Variants in PPFIBP2 observed in about 807,000 individuals in gnomAD.
PPFIBP2 encodes liprin-beta-2.
PPFIBP2 carries 118 observed loss-of-function variants against 118.3 expected under a neutral mutation model. The observed-to-expected ratio is 1.00, with a 90% CI of 0.86 to 1.16. The LOEUF (loss-of-function observed/expected upper bound fraction) is 1.16, where lower values mean the gene tolerates loss of function less well. Among genes scored for constraint, PPFIBP2 ranks in the 50% most tolerant of loss-of-function variants. PPFIBP2 has a pLI of 0.00. For missense variants in PPFIBP2, 1,195 were observed against 1,073.1 expected (o/e 1.11, Z -1.59); for synonymous variants, 414 against 397.4 (o/e 1.04, Z -0.50).
chr11:7,604,265 T>C (rs902155568), intron 5 of PPFIBP2, among the ~76,000 whole-genome samples: 7 of 152,152 alleles, frequency 4.6e-5, no homozygotes, highest in Non-Finnish European at 7.3e-5. Context: ...GTACCTTACA[T>C]TGAGTGGATA....
intron 1 of PPFIBP2, among the ~76,000 whole-genome samples, chr11:7,515,970 A>G (rs891544198): frequency 2.0e-5 from 3 of 152,242 alleles, no homozygotes; most frequent in African/African-American, 7.2e-5. Flanking sequence ...GGGACTTGAC[A>G]TTCTGTGTTT....
intron 4 of PPFIBP2, among the ~76,000 whole-genome samples, chr11:7,593,487 C>A (rs772013979): frequency 6.6e-6 from 1 of 152,182 alleles, no homozygotes; most frequent in Non-Finnish European, 1.5e-5. Context: ...CACTGGCAGC[C>A]CCATGACCAG....
chr11:7,654,077 C>T (rs183830308), downstream of PPFIBP2, among the ~76,000 whole-genome samples: 5 of 152,296 alleles, frequency 3.3e-5, no homozygotes, highest in South Asian at 2.1e-4. Context: ...TGGCATGAGC[C>T]CCCCCAGTGA....
downstream of PPFIBP2, chr11:7,656,652 GT>G (rs1197694391): frequency 3.5e-6 from 4 of 1,143,838 alleles, no homozygotes; most frequent in African/African-American, 6.4e-5. Context: ...GTGCCCTCTA[GT>G]TCCGGTGCAG....
At chr11:7,544,895 G>A (rs1483613031) in intron 1 of PPFIBP2, among the ~76,000 whole-genome samples, 5 of 151,864 alleles carry the variant, frequency 3.3e-5, no homozygotes, top group Non-Finnish European at 1.5e-5. Flanking sequence ...TCTCCCTGGT[G>A]TGTTGCTTCT....
chr11:7,538,725 A>C (rs1851468007), intron 1 of PPFIBP2, among the ~76,000 whole-genome samples: 1 of 140,134 alleles, frequency 7.1e-6, no homozygotes, highest in South Asian at 2.2e-4. Context: ...GTGGCTGGGA[A>C]TACCCGGTGC....
chr11:7,524,756 G>A (rs746205787), intron 1 of PPFIBP2, among the ~76,000 whole-genome samples: 2 of 152,012 alleles, frequency 1.3e-5, no homozygotes, highest in African/African-American at 4.8e-5. Flanking sequence ...GGGAAGGGGT[G>A]GGGTGGGAGA....
At chr11:7,522,777 T>C (rs1309905789) in intron 1 of PPFIBP2, among the ~76,000 whole-genome samples, 1 of 152,208 alleles carries the variant, frequency 6.6e-6, no homozygotes, top group Non-Finnish European at 1.5e-5. Context: ...CCTAGCTGTA[T>C]GTGGGGCTGA....
chr11:7,634,399 C>T (rs1000747462), intron 12 of PPFIBP2, 96 bp from the exon 13 acceptor site: 9 of 1,002,724 alleles, frequency 9.0e-6, no homozygotes, highest in Non-Finnish European at 1.3e-5. Flanking sequence ...GAACCTAAGC[C>T]CAAGACCATC....
At chr11:7,666,067 A>G in the PPFIBP2 span, 1 of 695,766 alleles carries the variant, frequency 1.4e-6, no homozygotes, top group Non-Finnish European at 2.5e-6. Flanking sequence ...TGTCCAGGTG[A>G]GGTGGGCGGT....
At chr11:7,541,642 A>G (rs1013527472) in intron 1 of PPFIBP2, among the ~76,000 whole-genome samples, 4 of 152,020 alleles carry the variant, frequency 2.6e-5, no homozygotes, top group African/African-American at 9.7e-5. Context: ...ACTTCATGCA[A>G]TTGCTTAAAT....
intron 3 of PPFIBP2, among the ~76,000 whole-genome samples, chr11:7,566,268 T>A (rs1854973379): frequency 1.3e-5 from 2 of 152,250 alleles, no homozygotes; most frequent in African/African-American, 4.8e-5. Context: ...AAAATTAGTT[T>A]ATTCGTATTC....
intron 1 of PPFIBP2, among the ~76,000 whole-genome samples, chr11:7,540,940 A>G (rs745922573): frequency 6.6e-6 from 1 of 152,224 alleles, no homozygotes; most frequent in Non-Finnish European, 1.5e-5. Flanking sequence ...CCTTAGTGAT[A>G]AGGCATCTGG....
intron 4 of PPFIBP2, among the ~76,000 whole-genome samples, chr11:7,594,830 T>C (rs987597348): frequency 6.6e-6 from 1 of 150,844 alleles, no homozygotes; most frequent in African/African-American, 2.5e-5. Context: ...CGTAGGAGAA[T>C]TGATTGAACC....
chr11:7,553,738 GTTAT>G (rs1410081663), intron 2 of PPFIBP2, among the ~76,000 whole-genome samples: 1 of 152,196 alleles, frequency 6.6e-6, no homozygotes, highest in Admixed American at 6.5e-5. Flanking sequence ...ATTGATGTAA[GTTAT>G]TTGTTTTATT....
chr11:7,561,221 A>C (rs1357312344), intron 2 of PPFIBP2, among the ~76,000 whole-genome samples: 1 of 152,164 alleles, frequency 6.6e-6, no homozygotes, highest in Non-Finnish European at 1.5e-5. Flanking sequence ...GCCTGCCACC[A>C]TGCTTGGCTA....
chr11:7,642,406 G>A lies in PPFIBP2; in HGVS notation c.1626G>A (p.Arg542=), dbSNP rs138206842. Residue 542 remains arginine (R), a synonymous_variant, in exon 17 of 24, where the codon AGG becomes AGA. Transcript: ENST00000299492. ...CAGGGCCAAGACTCTCTAGGACCAG[G>A]GACTCCAAGGGACAGAAAAGGTAAG... ...ATAGPRLSRT[R]DSKGQKSDAN... 7,674 of 1,613,502 alleles carry A rather than the reference G, an allele frequency of 4.8e-3. 21 individuals carry two copies. The highest frequency in any genetic ancestry group is 0.011 in the Middle Eastern group (65 of 6,062).
rs1265131940 is a variant in PPFIBP2, at chr11:7,624,242, TG to T, written c.712-1534del. ...ACATTGGAGCAGGCAGGCCAGGGTT[TG>T]CATCCTGGCCTGGTCACCAAGTAGC... On this transcript the variant is annotated intron_variant, in intron 7 of 23. Transcript: ENST00000299492. 3.3e-5 allele frequency among the ~76,000 whole-genome samples: 5 copies of T among 152,180 alleles called. No homozygotes were observed. The East Asian group carries it at 9.6e-4, about 29-fold the overall frequency.
the PPFIBP2 span, chr11:7,666,712 A>C: frequency 7.3e-6 from 4 of 548,894 alleles, no homozygotes; most frequent in Non-Finnish European, 1.3e-5. Context: ...GCTGCTCCTG[A>C]AGCTCAAACC....
Sources: allele counts gnomAD v4.1 joint callset (sites outside exome capture counted in the v4.1 genomes callset), GRCh38; gene constraint gnomAD v4.1.1; transcripts MANE v1.5; gene names NCBI Gene and HGNC (gene_info 2026-07-23, HGNC 2026-07-21).